CREBRF: variants seen among roughly 807,000 people sequenced by gnomAD.
CREBRF encodes the protein CREB3 regulatory factor.
A neutral mutation model predicts 66.1 loss-of-function variants in CREBRF; 5 were observed. The observed-to-expected ratio is 0.08, with a 90% CI of 0.04 to 0.16. The LOEUF is 0.16. Among genes scored for constraint, CREBRF ranks in the 10% least tolerant of loss-of-function variants. The pLI, the probability that CREBRF is intolerant of heterozygous loss-of-function variation, is 1.00. For synonymous variants in CREBRF, 229 were observed against 264.4 expected (o/e 0.87, Z 1.30); for missense variants, 531 against 744.9 (o/e 0.71, Z 3.34).
intron 4 of CREBRF, among the ~76,000 whole-genome samples, chr5:173,100,722 C>T (rs926453117): frequency 6.6e-6 from 1 of 152,250 alleles, no homozygotes; most frequent in African/African-American, 2.4e-5. Context: ...CACCGCTCCC[C>T]CCCAACCCAT....
At chr5:173,130,443 A>G (rs1759395387) in intron 8 of CREBRF, among the ~76,000 whole-genome samples, 1 of 152,114 alleles carries the variant, frequency 6.6e-6, no homozygotes, top group Admixed American at 6.5e-5. Context: ...AATCCTATAG[A>G]AAAGGAGAAA....
intron 2 of CREBRF, among the ~76,000 whole-genome samples, chr5:173,082,222 C>T (rs560334075): frequency 2.6e-5 from 4 of 151,890 alleles, no homozygotes; most frequent in Non-Finnish European, 4.4e-5. Flanking sequence ...ACCGTGTCAG[C>T]CAGGATGGTC....
chr5:173,134,880 G>C lies in CREBRF; in HGVS notation c.*1135G>C, dbSNP rs1457834704. The C allele has an allele frequency of 6.6e-6, 1 of 152,388 alleles. No homozygotes were observed. The highest frequency in any genetic ancestry group is 2.4e-5 in the African/African-American group (1 of 41,400). 9.4% of individuals were successfully genotyped at this position (152,388 alleles called of 1,614,324 possible). A position where few individuals can be genotyped will look rare whatever the true frequency, so the allele number is the denominator to read the frequency against. On this transcript the variant is annotated 3_prime_UTR_variant, in exon 9 of 9. Transcript: ENST00000296953. ...TATTATTTTGCTGTTCCTCTAGTTC[G>C]CTTCCATAGTAGATAAGTTGGTGGC...
chr5:173,123,299 C>T (rs1759185989), intron 8 of CREBRF, 97 bp downstream of exon 8: 2 of 1,127,710 alleles, frequency 1.8e-6, no homozygotes, highest in Non-Finnish European at 2.5e-6. Context: ...TAAGGAAAAA[C>T]TCAAGTGCTC....
chr5:173,096,504 T>C (rs1297702370), intron 4 of CREBRF, among the ~76,000 whole-genome samples: 2 of 102,772 alleles, frequency 1.9e-5, no homozygotes, highest in Non-Finnish European at 3.7e-5. Flanking sequence ...TCCCCTGCCC[T>C]CCTCTCCCCT....
intron 1 of CREBRF, among the ~76,000 whole-genome samples, chr5:173,056,703 CGGGACGGT>C (rs1408304500): frequency 6.6e-6 from 1 of 151,898 alleles, no homozygotes; most frequent in Non-Finnish European, 1.5e-5. Flanking sequence ...ACCCCCGGCC[CGGGACGGT>C]TACATAAAAG....
chr5:173,126,122 A>G (rs1759268745), intron 8 of CREBRF, among the ~76,000 whole-genome samples: 1 of 151,858 alleles, frequency 6.6e-6, no homozygotes, highest in Admixed American at 6.6e-5. Context: ...TTCTTGCTCA[A>G]TGTTAATTTC....
chr5:173,074,701 CA>C (rs1757708087), intron 1 of CREBRF, among the ~76,000 whole-genome samples: 1 of 152,072 alleles, frequency 6.6e-6, no homozygotes, highest in Non-Finnish European at 1.5e-5. Context: ...CAGCTCACTG[CA>C]ACCTCCACCT....
At chr5:173,086,310 A>G (rs1045113995) in intron 2 of CREBRF, 191 bp from the exon 3 acceptor site, 26 of 644,056 alleles carry the variant, frequency 4.0e-5, no homozygotes, top group Non-Finnish European at 6.8e-5. Context: ...ATTTTTAGGT[A>G]TTTTCCTAAT....
intron 1 of CREBRF, among the ~76,000 whole-genome samples, chr5:173,076,940 T>G (rs2113696853): frequency 6.6e-6 from 1 of 151,756 alleles, no homozygotes; most frequent in Non-Finnish European, 1.5e-5. Context: ...CAGTATAAAT[T>G]TATTGGCTTT....
chr5:173,120,416 G>T (rs1759111798), intron 7 of CREBRF, among the ~76,000 whole-genome samples: 1 of 146,220 alleles, frequency 6.8e-6, no homozygotes, highest in African/African-American at 2.5e-5. Context: ...ATCTCACTCT[G>T]TTGCTCAGGC....
chr5:173,080,688 C>A lies in CREBRF; in HGVS notation c.-88C>A. On this transcript the variant is annotated 5_prime_UTR_variant, in exon 2 of 9. Transcript: ENST00000296953. ...GTTTATTGTGGAAATCATCTTCGAT[C>A]TTGGAATTGAAAGTAAAGCTGGAAA... The A allele has an allele frequency of 7.4e-7, 1 of 1,347,090 alleles. No individual in the cohort carries two copies. Among genetic ancestry groups the A allele is most frequent in the Non-Finnish European group, 1.1e-6 (1 of 943,582 alleles). 83.4% of individuals were successfully genotyped at this position (1,347,090 alleles called of 1,614,324 possible). A position where few individuals can be genotyped will look rare whatever the true frequency, so the allele number is the denominator to read the frequency against.
intron 3 of CREBRF, among the ~76,000 whole-genome samples, chr5:173,087,651 G>A (rs1191388659): frequency 4.7e-5 from 7 of 149,710 alleles, no homozygotes; most frequent in African/African-American, 1.5e-4. Flanking sequence ...AGCCAAGATC[G>A]CCCCATAGCA....
intron 2 of CREBRF, chr5:173,085,717 A>G: frequency 4.0e-6 from 3 of 753,100 alleles, no homozygotes; most frequent in South Asian, 1.4e-5. Context: ...GCACCCGGCC[A>G]TCAGATACAT....
chr5:173,092,576 A>G (rs900813834), intron 4 of CREBRF, among the ~76,000 whole-genome samples: 2 of 152,008 alleles, frequency 1.3e-5, no homozygotes, highest in African/African-American at 2.4e-5. Context: ...CTAACTCTGC[A>G]TGAAAACTAA....
In CREBRF at chr5:173,101,236, T is replaced by C. The variant is rs1758621508; in HGVS notation, c.1223-7388T>C. On this transcript the variant is annotated intron_variant, in intron 4 of 8. Transcript: ENST00000296953. ...CACCCAGCTAATTTTTGTATTTTTT[T>C]TGTAGAGATGGGGTTTTACCATGTT... Among the ~76,000 whole-genome samples the C allele has an allele frequency of 2.0e-5, 3 of 151,842 alleles. No individual in the cohort carries two copies. The South Asian group carries it at 6.2e-4, about 32-fold the overall frequency.
At chr5:173,129,106 C>CTTTTTTTTTTTTTTTTTT (rs70984946) in intron 8 of CREBRF, among the ~76,000 whole-genome samples, 1 of 53,704 alleles carries the variant, frequency 1.9e-5, no homozygotes, top group Non-Finnish European at 3.2e-5. Flanking sequence ...TTAGTTACAT[C>CTTTTTTTTTTTTTTTTTT]TTTTTTTTTT....
intron 1 of CREBRF, among the ~76,000 whole-genome samples, chr5:173,079,455 T>A (rs1757866623): frequency 7.0e-6 from 1 of 143,204 alleles, no homozygotes; most frequent in African/African-American, 2.7e-5. Flanking sequence ...AGAGTGAGAC[T>A]CTGTCTTTTT....
chr5:173,056,804 G>A (rs1388792015), intron 1 of CREBRF, among the ~76,000 whole-genome samples: 1 of 151,838 alleles, frequency 6.6e-6, no homozygotes. Context: ...GTCCTGCCGG[G>A]CCGCCCGGCC....
Sources: gnomAD v4.1 joint callset for allele counts (sites outside exome capture counted in the v4.1 genomes callset) on GRCh38, gnomAD v4.1.1 for gene constraint, MANE v1.5 for transcripts, NCBI Gene and HGNC (gene_info 2026-07-23, HGNC 2026-07-21) for gene names.